FRMD4A: variants seen among roughly 807,000 people sequenced by gnomAD.
The protein encoded by FRMD4A is FERM domain-containing protein 4A.
Under a neutral mutation model 129.1 loss-of-function variants are expected in FRMD4A, and 29 were observed. The observed-to-expected ratio is 0.22, with a 90% CI of 0.17 to 0.31. The LOEUF (loss-of-function observed/expected upper bound fraction) is 0.31. Among genes scored for constraint, FRMD4A ranks in the 10% least tolerant of loss-of-function variants. The pLI, the probability that FRMD4A is intolerant of heterozygous loss-of-function variation, is 1.00. For missense variants in FRMD4A, 1,272 were observed against 1,375.8 expected (o/e 0.92, Z 1.19); for synonymous variants, 634 against 571.6 (o/e 1.11, Z -1.56).
intron 2 of FRMD4A, among the ~76,000 whole-genome samples, chr10:14,208,642 C>A (rs1842852226): frequency 6.6e-6 from 1 of 152,072 alleles, no homozygotes; most frequent in Non-Finnish European, 1.5e-5. Flanking sequence ...CACCCCCTGC[C>A]TACAGGCTTG....
chr10:14,268,025 T>C (rs1293591803), intron 2 of FRMD4A, among the ~76,000 whole-genome samples: 1 of 152,222 alleles, frequency 6.6e-6, no homozygotes, highest in Non-Finnish European at 1.5e-5. Flanking sequence ...ACGCCACCTA[T>C]TTCATGATTG....
chr10:14,043,071 A>G (rs1833848296), intron 2 of FRMD4A, among the ~76,000 whole-genome samples: 1 of 152,178 alleles, frequency 6.6e-6, no homozygotes, highest in Non-Finnish European at 1.5e-5. Flanking sequence ...GAAAATGTTC[A>G]GATCTTCCAG....
At chr10:14,172,349 C>G (rs1841520896) in intron 2 of FRMD4A, among the ~76,000 whole-genome samples, 1 of 152,122 alleles carries the variant, frequency 6.6e-6, no homozygotes, top group South Asian at 2.1e-4. Context: ...GATCAAGGAA[C>G]AAGCCATGAT....
At chr10:13,878,364 T>C (rs956125379) in intron 2 of FRMD4A, among the ~76,000 whole-genome samples, 6 of 152,188 alleles carry the variant, frequency 3.9e-5, no homozygotes, top group African/African-American at 1.4e-4. Context: ...CTTTCCTGGT[T>C]TAACCAGTGA....
At chr10:13,854,726 C>G (rs2094190442) in intron 3 of FRMD4A, among the ~76,000 whole-genome samples, 1 of 152,018 alleles carries the variant, frequency 6.6e-6, no homozygotes, top group African/African-American at 2.4e-5. Flanking sequence ...GCCACTGCAT[C>G]CGGCCTGATA....
chr10:14,123,894 C>T (rs1838678519), intron 2 of FRMD4A, among the ~76,000 whole-genome samples: 1 of 152,196 alleles, frequency 6.6e-6, no homozygotes, highest in African/African-American at 2.4e-5. Flanking sequence ...TAACGTCTTG[C>T]ACCTTTCATA....
intron 15 of FRMD4A, chr10:13,692,720 C>G (rs1162547088): frequency 3.3e-5 from 5 of 152,266 alleles, no homozygotes; most frequent in African/African-American, 1.2e-4. Flanking sequence ...GCTCCTCTTC[C>G]TCTCCTGTCT....
chr10:13,853,177 G>A (rs1427270969), intron 3 of FRMD4A, among the ~76,000 whole-genome samples: 4 of 152,146 alleles, frequency 2.6e-5, no homozygotes, highest in Admixed American at 6.5e-5. Context: ...AGCAAGGTGC[G>A]AGGTTCACTG....
At chr10:13,823,594 T>C (rs2093659830) in intron 3 of FRMD4A, among the ~76,000 whole-genome samples, 1 of 152,158 alleles carries the variant, frequency 6.6e-6, no homozygotes, top group Non-Finnish European at 1.5e-5. Context: ...ATTTTTTTGT[T>C]GTTGTTGTTA....
intron 2 of FRMD4A, among the ~76,000 whole-genome samples, chr10:14,032,403 G>T (rs1041631153): frequency 2.0e-5 from 3 of 152,200 alleles, no homozygotes; most frequent in African/African-American, 7.2e-5. Context: ...TGCCACTGGG[G>T]TATTGCCATT....
chr10:14,025,833 G>T (rs755765843), intron 2 of FRMD4A, among the ~76,000 whole-genome samples: 1 of 152,102 alleles, frequency 6.6e-6, no homozygotes, highest in Non-Finnish European at 1.5e-5. Context: ...TGTCCTCAAG[G>T]TTCACCCACG....
chr10:14,020,207 G>C (rs761309014), intron 2 of FRMD4A, among the ~76,000 whole-genome samples: 6 of 152,230 alleles, frequency 3.9e-5, no homozygotes, highest in Non-Finnish European at 7.3e-5. Flanking sequence ...CATGTGTGCT[G>C]CTTCCTCTCA....
intron 17 of FRMD4A, among the ~76,000 whole-genome samples, chr10:13,670,084 G>C (rs1240046851): frequency 6.6e-6 from 1 of 152,142 alleles, no homozygotes; most frequent in Non-Finnish European, 1.5e-5. Flanking sequence ...CAGTCACTGA[G>C]GGCTGAGAGG....
intron 2 of FRMD4A, among the ~76,000 whole-genome samples, chr10:14,194,651 C>T (rs1011059676): frequency 2.6e-5 from 4 of 152,200 alleles, no homozygotes; most frequent in South Asian, 2.1e-4. Context: ...AGCATTCCTA[C>T]TTCCTGCTTC....
intron 2 of FRMD4A, among the ~76,000 whole-genome samples, chr10:14,301,691 T>C (rs868045215): frequency 4.6e-5 from 7 of 152,224 alleles, no homozygotes; most frequent in Non-Finnish European, 1.0e-4. Flanking sequence ...ATTCCATATA[T>C]AGTTCTTCTT....
At position 13,737,950 on chromosome 10, in the gene FRMD4A, T is replaced by A. The variant is rs1165481849; in HGVS notation, c.673-20A>T. ...CTTGTCCTAGGATATCAAAAAAAGT[T>A]TGGGTGAATATGGGACTGGAGGAAG... is the stretch of plus-strand genomic sequence containing the variant. On this transcript the variant is annotated intron_variant, in intron 11 of 24. Transcript: ENST00000357447. 3 of 1,433,684 alleles carry A rather than the reference T, an allele frequency of 2.1e-6. No individual in the cohort carries two copies. The highest frequency in any genetic ancestry group is 3.0e-6 in the Non-Finnish European group (3 of 1,015,946). 88.8% of individuals were successfully genotyped at this position (1,433,684 alleles called of 1,614,324 possible). A position where few individuals can be genotyped will look rare whatever the true frequency, so the allele number is the denominator to read the frequency against.
Position 14,092,061 on chromosome 10 carries a change from T to C in FRMD4A, c.46-233149A>G, listed in dbSNP as rs1014406102. ...CACCTCACAGCTCTGGATGACATGATTGAAGCTAAGGCAAGGTCATTTTCT... is the reference window on the plus strand; with the variant it reads ...CACCTCACAGCTCTGGATGACATGACTGAAGCTAAGGCAAGGTCATTTTCT... On this transcript the variant is annotated intron_variant, in intron 2 of 24. Transcript: ENST00000357447. Among the ~76,000 whole-genome samples the C allele has an allele frequency of 5.3e-5, 8 of 152,190 alleles. No individual in the cohort carries two copies. The East Asian group carries it at 9.6e-4, about 18-fold the overall frequency.
chr10:14,002,870 G>T lies in FRMD4A; in HGVS notation c.46-143958C>A, dbSNP rs567984564. On this transcript the variant is annotated intron_variant, in intron 2 of 24. Coordinates refer to ENST00000357447, the MANE Select transcript of FRMD4A (RefSeq NM_018027.5). Reference sequence around the variant, plus strand: ...AATTGCCAGGAAGATGAAAACACACGCAAAGTTCCTGGGGCAAGAGCAAGC... The same window carrying T: ...AATTGCCAGGAAGATGAAAACACACTCAAAGTTCCTGGGGCAAGAGCAAGC... 2.0e-5 allele frequency among the ~76,000 whole-genome samples: 3 copies of T among 152,148 alleles called. 1 individual carries two copies. Among genetic ancestry groups the T allele is most frequent in the South Asian group, 4.1e-4 (2 of 4,824 alleles).
chr10:14,124,552 T>A (rs1838722442), intron 2 of FRMD4A, among the ~76,000 whole-genome samples: 1 of 152,168 alleles, frequency 6.6e-6, no homozygotes. Flanking sequence ...GGTGGGCACC[T>A]GTAATCTCAG....
Sources: allele counts gnomAD v4.1 joint callset (sites outside exome capture counted in the v4.1 genomes callset), GRCh38; gene constraint gnomAD v4.1.1; transcripts MANE v1.5; gene names NCBI Gene and HGNC (gene_info 2026-07-23, HGNC 2026-07-21).